The following STAM variants were observed in gnomAD, a reference collection of about 807,000 sequenced individuals.
STAM encodes the protein signal transducing adapter molecule 1.
In STAM, 16 loss-of-function variants were observed where a neutral mutation model predicts 63.4. The observed-to-expected ratio is 0.25, with a 90% CI of 0.17 to 0.38. STAM has a LOEUF of 0.38. STAM is among the 10% of genes least tolerant of loss of function. The probability of loss-of-function intolerance (pLI) is 1.00; values close to 1 mark genes in which losing one functional copy is unlikely to be tolerated. For missense variants in STAM, 636 were observed against 657.1 expected (o/e 0.97, Z 0.35); for synonymous variants, 238 against 223.9 (o/e 1.06, Z -0.56).
intron 2 of STAM, among the ~76,000 whole-genome samples, chr10:17,671,646 G>T (rs1834644840): frequency 6.6e-6 from 1 of 152,196 alleles, no homozygotes. Context: ...ATGCCAGATA[G>T]TCTTTCACTA....
intron 9 of STAM, among the ~76,000 whole-genome samples, chr10:17,702,858 A>AT (rs1486205631): frequency 6.6e-6 from 1 of 152,072 alleles, no homozygotes; most frequent in Non-Finnish European, 1.5e-5. Context: ...AAATACAAAG[A>AT]TTCGCTGGAC....
rs532289594 is a variant in STAM, at chr10:17,705,150, A to G, written c.1055+126A>G. On this transcript the variant is annotated intron_variant, in intron 11 of 13. Coordinates refer to ENST00000377524, the MANE Select transcript of STAM (RefSeq NM_003473.4). ...TGGAGGAACCAACTCTCATTCACAT[A>G]TCTTGTGCTAGATGTGGAGAATTAG... 6.5e-5 allele frequency: 48 copies of G among 742,412 alleles called. No homozygotes were observed. In the African/African-American group the frequency reaches 7.8e-4, roughly 12 times the overall value. The allele number at this position is 742,412 out of a possible 1,614,324, so 46.0% of individuals were successfully genotyped here.
intron 9 of STAM, 45 bp from the exon 10 acceptor site, chr10:17,704,386 C>T (rs369387094): frequency 2.4e-5 from 36 of 1,522,142 alleles, no homozygotes; most frequent in Middle Eastern, 3.4e-4. Context: ...CATAAAGTTG[C>T]CTAAAGGTTG....
At chr10:17,669,661 C>G (rs1287169690) in intron 2 of STAM, among the ~76,000 whole-genome samples, 1 of 149,262 alleles carries the variant, frequency 6.7e-6, no homozygotes, top group East Asian at 1.9e-4. Context: ...TGGGGTTTTT[C>G]TTTCACTGAT....
Position 17,644,233 on chromosome 10 carries a change from C to G in STAM, c.-107C>G. The G allele has an allele frequency of 8.2e-7, 1 of 1,216,732 alleles. No homozygotes were observed. Among genetic ancestry groups the G allele is most frequent in the Non-Finnish European group, 1.2e-6 (1 of 832,450 alleles). 75.4% of individuals were successfully genotyped at this position (1,216,732 alleles called of 1,614,324 possible). A position where few individuals can be genotyped will look rare whatever the true frequency, so the allele number is the denominator to read the frequency against. Reference sequence around the variant, plus strand: ...GGAGCTGTCGCGGACCCTGTAGAGTCGGTCTCTGTTGCTCTTTTTGCCTGA... The same window carrying G: ...GGAGCTGTCGCGGACCCTGTAGAGTGGGTCTCTGTTGCTCTTTTTGCCTGA... On this transcript the variant is annotated 5_prime_UTR_variant, in exon 1 of 14. Coordinates refer to ENST00000377524, the MANE Select transcript of STAM (RefSeq NM_003473.4).
chr10:17,661,289 T>C (rs781994121), intron 2 of STAM, among the ~76,000 whole-genome samples: 7 of 152,220 alleles, frequency 4.6e-5, no homozygotes, highest in South Asian at 2.1e-4. Context: ...TTGTGCACTT[T>C]CATGTGAAAA....
intron 2 of STAM, among the ~76,000 whole-genome samples, chr10:17,671,114 C>G (rs1168827587): frequency 6.6e-6 from 1 of 152,110 alleles, no homozygotes; most frequent in Non-Finnish European, 1.5e-5. Flanking sequence ...GATTTGAGTT[C>G]CCATGTCTTT....
chr10:17,652,573 A>G (rs1833782690), intron 1 of STAM, among the ~76,000 whole-genome samples: 1 of 152,204 alleles, frequency 6.6e-6, no homozygotes, highest in Admixed American at 6.5e-5. Context: ...TAACTTTTTA[A>G]TAAGTTTTAA....
intron 4 of STAM, among the ~76,000 whole-genome samples, chr10:17,687,274 A>G (rs2131637367): frequency 6.6e-6 from 1 of 152,266 alleles, no homozygotes; most frequent in East Asian, 1.9e-4. Context: ...CAGGAGTTCA[A>G]GACCAGCCTG....
chr10:17,651,896 C>T (rs1258378419), intron 1 of STAM, among the ~76,000 whole-genome samples: 2 of 152,186 alleles, frequency 1.3e-5, no homozygotes, highest in African/African-American at 4.8e-5. Context: ...TTCTTACCTC[C>T]CCAGATCTTT....
intron 8 of STAM, among the ~76,000 whole-genome samples, chr10:17,699,734 A>G (rs1835909457): frequency 6.6e-6 from 1 of 152,218 alleles, no homozygotes. Context: ...CCCATTCATT[A>G]CATTGGAGTA....
intron 13 of STAM, among the ~76,000 whole-genome samples, chr10:17,710,919 T>C (rs1554830010): frequency 6.6e-6 from 1 of 152,228 alleles, no homozygotes; most frequent in Admixed American, 6.5e-5. Flanking sequence ...ATGTAATATC[T>C]GTTTATCAAT....
At chr10:17,676,605 A>G (rs1834866283) in intron 2 of STAM, among the ~76,000 whole-genome samples, 1 of 152,176 alleles carries the variant, frequency 6.6e-6, no homozygotes, top group African/African-American at 2.4e-5. Flanking sequence ...TTTGTGGATG[A>G]ACATAGTTTT....
chr10:17,648,542 T>A (rs1384046596), intron 1 of STAM, among the ~76,000 whole-genome samples: 1 of 152,178 alleles, frequency 6.6e-6, no homozygotes, highest in Non-Finnish European at 1.5e-5. Context: ...CTTTAAGAGC[T>A]GTAACACTCA....
At chr10:17,686,023 A>C (rs1327713111) in intron 4 of STAM, among the ~76,000 whole-genome samples, 1 of 152,188 alleles carries the variant, frequency 6.6e-6, no homozygotes, top group African/African-American at 2.4e-5. Context: ...AGGTTACAGT[A>C]GAAAAATAGC....
At position 17,704,487 on chromosome 10, in the gene STAM, G is replaced by C; in HGVS notation, c.969G>C (p.Gln323His). 1 of 1,614,150 alleles carries C rather than the reference G, an allele frequency of 6.2e-7. No homozygotes were observed. Among genetic ancestry groups the C allele is most frequent in the Non-Finnish European group, 8.5e-7 (1 of 1,180,018 alleles). The change falls in exon 10 of 14, where the codon CAG becomes CAC. Residue 323 changes from glutamine (Q) to histidine (H), a missense_variant. Physicochemically the swap from Gln to His is conservative, Grantham distance 24. Coordinates refer to ENST00000377524, the MANE Select transcript of STAM (RefSeq NM_003473.4). Reference sequence around the variant, plus strand: ...AAAGTACAGACCCCAGTGATGATCAGCCAGACCTACCAGAGCTGCTTCATC... The same window carrying C: ...AAAGTACAGACCCCAGTGATGATCACCCAGACCTACCAGAGCTGCTTCATC... ...MLQSTDPSDD[Q>H]PDLPELLHLE...
At chr10:17,673,998 G>A (rs1255185655) in intron 2 of STAM, among the ~76,000 whole-genome samples, 6 of 150,268 alleles carry the variant, frequency 4.0e-5, no homozygotes. Context: ...AAGAACAGCA[G>A]GGCGGGAGAG....
At chr10:17,673,886 A>C (rs1420639520) in intron 2 of STAM, among the ~76,000 whole-genome samples, 3 of 152,182 alleles carry the variant, frequency 2.0e-5, no homozygotes, top group Admixed American at 1.3e-4. Context: ...AGGAATACCT[A>C]ACATTCCAGG....
intron 1 of STAM, among the ~76,000 whole-genome samples, chr10:17,648,168 T>A (rs1833590723): frequency 6.6e-6 from 1 of 152,232 alleles, no homozygotes; most frequent in Non-Finnish European, 1.5e-5. Context: ...CAGGTGAAAC[T>A]AGCTGGACTT....
Sources: gnomAD v4.1 joint callset for allele counts (sites outside exome capture counted in the v4.1 genomes callset) on GRCh38, gnomAD v4.1.1 for gene constraint, MANE v1.5 for transcripts, NCBI Gene and HGNC (gene_info 2026-07-23, HGNC 2026-07-21) for gene names.